Variants in TXNRD3 observed in about 807,000 individuals in gnomAD.
TXNRD3 encodes thioredoxin reductase 3.
Under a neutral mutation model 78.2 loss-of-function variants are expected in TXNRD3, and 68 were observed. The observed-to-expected ratio is 0.87, with a 90% CI of 0.72 to 1.06. TXNRD3 has a LOEUF of 1.06. Among genes scored for constraint, TXNRD3 ranks in the 50% least tolerant of loss-of-function variants. The pLI, the probability that TXNRD3 is intolerant of heterozygous loss-of-function variation, is 0.00. For synonymous variants in TXNRD3, 296 were observed against 300.1 expected (o/e 0.99, Z 0.14); for missense variants, 751 against 809.5 (o/e 0.93, Z 0.88).
chr3:126,608,508 T>G lies in TXNRD3; in HGVS notation c.1854A>C (p.Thr618=). 1.3e-6 allele frequency: 2 copies of G among 1,534,192 alleles called. No homozygotes were observed. The highest frequency in any genetic ancestry group is 1.7e-6 in the Non-Finnish European group (2 of 1,146,280). ...ACCTCCTGTTTCCTACCTCCCCACA[T>G]GTGGGGTGAATTCCAATGGTGTCAT... Residue 618 remains threonine, a synonymous_variant, in exon 15 of 16, where the codon ACA becomes ACC. Coordinates refer to ENST00000524230, the MANE Select transcript of TXNRD3 (RefSeq NM_052883.3).
At chr3:126,614,535 CAGTT>C (rs1272923817) in intron 13 of TXNRD3, among the ~76,000 whole-genome samples, 26 of 152,224 alleles carry the variant, frequency 1.7e-4, no homozygotes, top group African/African-American at 5.3e-4. Context: ...ATTATATAAA[CAGTT>C]AGTTATAAAC....
intron 12 of TXNRD3, among the ~76,000 whole-genome samples, chr3:126,619,943 T>C (rs1037825755): frequency 6.6e-6 from 1 of 152,076 alleles, no homozygotes; most frequent in Non-Finnish European, 1.5e-5. Flanking sequence ...TTAAGCGTCA[T>C]AAGAGCCACA....
In TXNRD3 at chr3:126,646,230, A is replaced by G; in HGVS notation, c.305-10T>C. 1 of 1,501,090 alleles carries G rather than the reference A, an allele frequency of 6.7e-7. No homozygotes were observed. The highest frequency in any genetic ancestry group is 8.8e-7 in the Non-Finnish European group (1 of 1,136,554). 93.0% of individuals were successfully genotyped at this position (1,501,090 alleles called of 1,614,324 possible). ...ACCCTGGCCCCATCATCTAAAGAAG[A>G]AAAAAACTATATATAAAAACACTGA... is the stretch of plus-strand genomic sequence containing the variant. On this transcript the variant is annotated splice_polypyrimidine_tract_variant and intron_variant, in intron 2 of 15. Transcript: ENST00000524230.
intron 15 of TXNRD3, among the ~76,000 whole-genome samples, 177 bp from the exon 16 acceptor site, chr3:126,608,150 C>T (rs1019411662): frequency 6.6e-6 from 1 of 151,896 alleles, no homozygotes; most frequent in African/African-American, 2.4e-5. Flanking sequence ...CACTTTAGGT[C>T]AGAAGTTCGA....
intron 14 of TXNRD3, among the ~76,000 whole-genome samples, chr3:126,609,636 G>T (rs1489373318): frequency 2.6e-5 from 4 of 152,224 alleles, no homozygotes; most frequent in Admixed American, 2.6e-4. Context: ...CCAGGGTAAA[G>T]GGAAGGGGCA....
At chr3:126,646,023 G>A in intron 3 of TXNRD3, 88 bp downstream of exon 3, 1 of 908,856 alleles carries the variant, frequency 1.1e-6, no homozygotes. Flanking sequence ...AAAGATGAGT[G>A]GACTCCTAAA....
intron 5 of TXNRD3, among the ~76,000 whole-genome samples, chr3:126,642,459 G>A (rs957697281): frequency 1.3e-5 from 2 of 152,182 alleles, no homozygotes; most frequent in African/African-American, 2.4e-5. Context: ...ACTACACCAA[G>A]GGTGAGAATC....
At chr3:126,624,976 A>G (rs1309204328) in intron 10 of TXNRD3, 2 of 182,362 alleles carry the variant, frequency 1.1e-5, no homozygotes, top group African/African-American at 2.4e-5. Flanking sequence ...AGGCATGTGG[A>G]AGAGTCTGAA....
rs957149091 is a variant in TXNRD3 at position 126,608,522 on chromosome 3, C to T, written c.1840G>A (p.Gly614Arg). 2.0e-6 allele frequency: 3 copies of T among 1,535,480 alleles called. No homozygotes were observed. The highest frequency in any genetic ancestry group is 8.7e-7 in the Non-Finnish European group (1 of 1,146,686). The change falls in exon 15 of 16, where the codon GGA (glycine) becomes AGA (arginine). Residue 614 changes from glycine to arginine, a missense_variant. Transcript: ENST00000524230. ...ACCTCCCCACATGTGGGGTGAATTC[C>T]AATGGTGTCATCAAGTAGCTGTTTT... is the stretch of plus-strand genomic sequence containing the variant.
intron 6 of TXNRD3, 89 bp downstream of exon 6, chr3:126,641,943 T>C (rs1332552896): frequency 4.4e-6 from 6 of 1,378,440 alleles, no homozygotes; most frequent in Non-Finnish European, 4.8e-6. Context: ...AATTACGAAC[T>C]CAACTATAAA....
At chr3:126,615,242 C>G (rs1938290758) in intron 13 of TXNRD3, 113 bp downstream of exon 13, 1 of 484,122 alleles carries the variant, frequency 2.1e-6, no homozygotes, top group Non-Finnish European at 3.6e-6. Context: ...ATATGATTTC[C>G]TACAATATAA....
rs989842421 is a variant in TXNRD3, at chr3:126,608,524, A to T, written c.1838T>A (p.Ile613Asn). 6.5e-7 allele frequency: 1 copy of T among 1,535,550 alleles called. No homozygotes were observed. Among genetic ancestry groups the T allele is most frequent in the South Asian group, 1.2e-5 (1 of 83,952 alleles). ...CTCCCCACATGTGGGGTGAATTCCA[A>T]TGGTGTCATCAAGTAGCTGTTTTGT... Residue 613 changes from isoleucine to asparagine, a missense_variant, in exon 15 of 16, where the codon ATT (isoleucine) becomes AAT (asparagine). Coordinates refer to ENST00000524230, the MANE Select transcript of TXNRD3 (RefSeq NM_052883.3).
Position 126,631,793 on chromosome 3 carries a change from G to A in TXNRD3, c.942C>T (p.Ile314=), listed in dbSNP as rs2107619231. ...TAATACAGTATTCTTTATCTCCTTG[G>A]ATTCCTAAATACCGTGGCCTTTCAC... Residue 314 remains isoleucine, a synonymous_variant, in exon 8 of 16, where the codon ATC becomes ATT. Transcript: ENST00000524230. The A allele has an allele frequency of 6.5e-7, 1 of 1,535,096 alleles. No individual in the cohort carries two copies. The highest frequency in any genetic ancestry group is 8.7e-7 in the Non-Finnish European group (1 of 1,146,148).
At chr3:126,620,569 C>T (rs1435911972) in intron 12 of TXNRD3, among the ~76,000 whole-genome samples, 1 of 152,080 alleles carries the variant, frequency 6.6e-6, no homozygotes, top group African/African-American at 2.4e-5. Flanking sequence ...AGAGACAGAA[C>T]AAAAACAGCA....
intron 12 of TXNRD3, among the ~76,000 whole-genome samples, chr3:126,616,132 CT>C (rs1318883590): frequency 6.6e-6 from 1 of 152,190 alleles, no homozygotes; most frequent in Non-Finnish European, 1.5e-5. Context: ...GGTGGCACTC[CT>C]GCCTAGGAAA....
At chr3:126,612,677 T>C (rs1270956963) in intron 13 of TXNRD3, among the ~76,000 whole-genome samples, 1 of 152,192 alleles carries the variant, frequency 6.6e-6, no homozygotes, top group African/African-American at 2.4e-5. Flanking sequence ...CACTCACACT[T>C]ACCCTCATTT....
intron 6 of TXNRD3, among the ~76,000 whole-genome samples, chr3:126,636,173 A>G (rs1938857470): frequency 6.6e-6 from 1 of 152,152 alleles, no homozygotes; most frequent in South Asian, 2.1e-4. Context: ...CCTCATCTCA[A>G]GCAATTTTCC....
At chr3:126,646,011 CA>C in intron 3 of TXNRD3, 99 bp downstream of exon 3, 2 of 849,210 alleles carry the variant, frequency 2.4e-6, no homozygotes, top group East Asian at 2.9e-5. Flanking sequence ...TTATAACTTC[CA>C]AAAGATGAGT....
At chr3:126,647,123 GCCTCATTTAA>G (rs750728138) in intron 2 of TXNRD3, 103 bp downstream of exon 2, 12 of 721,686 alleles carry the variant, frequency 1.7e-5, no homozygotes, top group Non-Finnish European at 2.6e-5. Context: ...AGACAAAAAT[GCCTCATTTAA>G]CCCGAAGACA....
Sources: allele counts gnomAD v4.1 joint callset (sites outside exome capture counted in the v4.1 genomes callset), GRCh38; gene constraint gnomAD v4.1.1; transcripts MANE v1.5; gene names NCBI Gene and HGNC (gene_info 2026-07-23, HGNC 2026-07-21).